NSF: variants seen among roughly 807,000 people sequenced by gnomAD.
The protein encoded by NSF is vesicle-fusing ATPase.
In NSF, 14 loss-of-function variants were observed where a neutral mutation model predicts 50.3. The ratio of observed to expected loss-of-function variants is 0.28; its 90% CI spans 0.18 to 0.44. The LOEUF (loss-of-function observed/expected upper bound fraction) is 0.44. NSF is among the 20% of genes least tolerant of loss of function. The pLI is 1.00. For missense variants in NSF, 218 were observed against 504.3 expected (o/e 0.43, Z 5.44); for synonymous variants, 109 against 175.7 (o/e 0.62, Z 3.00).
chr17:46,690,624 A>AAATATAT (rs1381328687), intron 9 of NSF, among the ~76,000 whole-genome samples: 40 of 110,952 alleles, frequency 3.6e-4, no homozygotes, highest in Non-Finnish European at 6.3e-4. Flanking sequence ...AAAAAAAAAA[A>AAATATAT]ATATATATAT....
At chr17:46,734,008 A>G (rs1244887959) in intron 17 of NSF, among the ~76,000 whole-genome samples, 1 of 152,206 alleles carries the variant, frequency 6.6e-6, no homozygotes, top group Non-Finnish European at 1.5e-5. Flanking sequence ...ACTTGGGTAG[A>G]CACACTTGTT....
intron 15 of NSF, among the ~76,000 whole-genome samples, chr17:46,714,244 G>A (rs2058746181): frequency 6.6e-6 from 1 of 152,054 alleles, no homozygotes; most frequent in South Asian, 2.1e-4. Context: ...GCCTAGTTTT[G>A]TATCAATTTG....
chr17:46,742,623 T>C (rs963699228), intron 17 of NSF, among the ~76,000 whole-genome samples: 1 of 152,158 alleles, frequency 6.6e-6, no homozygotes, highest in Non-Finnish European at 1.5e-5. Context: ...TGAGTTGGCC[T>C]GTGGAAAAGC....
At chr17:46,712,149 T>C (rs567063358) in intron 14 of NSF, among the ~76,000 whole-genome samples, 2 of 150,292 alleles carry the variant, frequency 1.3e-5, no homozygotes, top group African/African-American at 4.9e-5. Context: ...TGAGAGTCGA[T>C]TGTGGTTTGA....
chr17:46,619,761 G>A (rs1598644779), intron 1 of NSF, among the ~76,000 whole-genome samples: 2 of 23,286 alleles, frequency 8.6e-5, no homozygotes, highest in Non-Finnish European at 1.4e-4. Flanking sequence ...GACAGAGCAA[G>A]ACTCCATCTA....
chr17:46,722,114 C>T, intron 15 of NSF: 2 of 1,611,902 alleles, frequency 1.2e-6, no homozygotes, highest in Admixed American at 3.3e-5. Flanking sequence ...CGGACTCGAA[C>T]TCGTCCGGCT....
chr17:46,595,500 T>C (rs1445620404), intron 1 of NSF, among the ~76,000 whole-genome samples: 1 of 116,898 alleles, frequency 8.6e-6, no homozygotes, highest in Non-Finnish European at 1.5e-5. Flanking sequence ...ATCTTTTTTT[T>C]TTTTTTTTGA....
At chr17:46,707,996 G>A (rs2058673198) in intron 13 of NSF, among the ~76,000 whole-genome samples, 1 of 148,870 alleles carries the variant, frequency 6.7e-6, no homozygotes, top group Admixed American at 6.8e-5. Context: ...TTGTGCCACT[G>A]CACGCCAGCC....
At chr17:46,680,986 TAGA>T (rs1287112978) in intron 9 of NSF, among the ~76,000 whole-genome samples, 2 of 54,192 alleles carry the variant, frequency 3.7e-5, no homozygotes, top group African/African-American at 1.3e-4. Context: ...GAGTATAAAC[TAGA>T]AGAATATACC....
intron 17 of NSF, among the ~76,000 whole-genome samples, chr17:46,748,448 G>A (rs1209657644): frequency 2.0e-5 from 3 of 152,134 alleles, no homozygotes; most frequent in Non-Finnish European, 4.4e-5. Context: ...AAACTATTAA[G>A]ACAAAGGATA....
intron 15 of NSF, among the ~76,000 whole-genome samples, chr17:46,717,860 G>A (rs1005130336): frequency 6.6e-6 from 1 of 152,214 alleles, no homozygotes; most frequent in Non-Finnish European, 1.5e-5. Context: ...GAGCATGATG[G>A]AAAGCTGACC....
intron 20 of NSF, 114 bp downstream of exon 20, chr17:46,755,483 C>A (rs934089962): frequency 8.4e-6 from 8 of 949,214 alleles, no homozygotes; most frequent in Non-Finnish European, 1.2e-5. Flanking sequence ...TATTTGAATT[C>A]TTCGCTGTGT....
At chr17:46,710,586 A>G (rs570845380) in intron 13 of NSF, among the ~76,000 whole-genome samples, 1 of 152,290 alleles carries the variant, frequency 6.6e-6, no homozygotes, top group East Asian at 1.9e-4. Context: ...ATATTTGTCT[A>G]TTGCGCTGTT....
chr17:46,745,274 C>A (rs1250971117), intron 17 of NSF, among the ~76,000 whole-genome samples: 1 of 152,166 alleles, frequency 6.6e-6, no homozygotes, highest in Non-Finnish European at 1.5e-5. Context: ...CTTATGAGCA[C>A]TACCACTAAT....
intron 1 of NSF, among the ~76,000 whole-genome samples, chr17:46,605,386 T>G (rs1598637359): frequency 7.9e-6 from 1 of 126,474 alleles, no homozygotes. Flanking sequence ...AGGTGGAGGT[T>G]GCAGTGAGCC....
Position 46,756,035 on chromosome 17 carries a change from G to T in NSF, c.*212G>T. On this transcript the variant is annotated 3_prime_UTR_variant, in exon 21 of 21. Coordinates refer to ENST00000398238, the MANE Select transcript of NSF (RefSeq NM_006178.4). Reference sequence around the variant, plus strand: ...TCGTGGAAGGTGTCAATTTGGTTTAGAATGCTGCGCTTACCTTCCCATGCA... The same window carrying T: ...TCGTGGAAGGTGTCAATTTGGTTTATAATGCTGCGCTTACCTTCCCATGCA... 1.8e-6 allele frequency: 1 copy of T among 545,544 alleles called. No homozygotes were observed. 33.8% of individuals were successfully genotyped at this position (545,544 alleles called of 1,614,324 possible).
At chr17:46,755,680 CA>C in intron 20 of NSF, 121 bp from the exon 21 acceptor site, 3 of 1,080,444 alleles carry the variant, frequency 2.8e-6, no homozygotes, top group Non-Finnish European at 3.9e-6. Context: ...ATAGCAAATG[CA>C]TAGTGGGAAA....
rs1249890539 is a variant in NSF at position 46,757,359 on chromosome 17, CTT to C, written c.*1537_*1538del. 1 of 152,606 alleles carries C rather than the reference CTT, an allele frequency of 6.6e-6. No individual in the cohort carries two copies. The highest frequency in any genetic ancestry group is 1.5e-5 in the Non-Finnish European group (1 of 68,032). 9.5% of individuals were successfully genotyped at this position (152,606 alleles called of 1,614,324 possible). On this transcript the variant is annotated 3_prime_UTR_variant, in exon 21 of 21. Coordinates refer to ENST00000398238, the MANE Select transcript of NSF (RefSeq NM_006178.4). ...GCACACATTGTGTTAACTTATGTCT[CTT>C]GTTAAATGAGCTTAATGTCTTTGTG...
At chr17:46,715,282 A>G (rs2146269149) in intron 15 of NSF, among the ~76,000 whole-genome samples, 1 of 152,330 alleles carries the variant, frequency 6.6e-6, no homozygotes, top group Non-Finnish European at 1.5e-5. Context: ...TTCCCAGGAA[A>G]ATCTGAATAG....
Sources: gnomAD v4.1 joint callset for allele counts (sites outside exome capture counted in the v4.1 genomes callset) on GRCh38, gnomAD v4.1.1 for gene constraint, MANE v1.5 for transcripts, NCBI Gene and HGNC (gene_info 2026-07-23, HGNC 2026-07-21) for gene names.